Variants in MYO18A observed in about 807,000 individuals in gnomAD.
MYO18A encodes the protein myosin XVIIIA.
In MYO18A, 78 loss-of-function variants were observed where a neutral mutation model predicts 235.8. That is an observed-to-expected ratio of 0.33 (90% CI 0.28 to 0.40). The LOEUF (loss-of-function observed/expected upper bound fraction) is 0.40. Among genes scored for constraint, MYO18A ranks in the 10% least tolerant of loss-of-function variants. The pLI, the probability that MYO18A is intolerant of heterozygous loss-of-function variation, is 1.00. For missense variants in MYO18A, 2,215 were observed against 2,699.3 expected, an observed-to-expected ratio of 0.82 and a Z score of 3.98; for synonymous variants, 977 against 1,077.8, an observed-to-expected ratio of 0.91 and a Z score of 1.83.
In MYO18A at chr17:29,121,490, G is replaced by C. The variant is rs1449009708; in HGVS notation, c.1371+57C>G. On this transcript the variant is annotated intron_variant, in intron 5 of 41. Transcript: ENST00000527372. This position sits in a 1 kb window ranked among gnomAD's most constrained non-coding sequence, Gnocchi z 4.2. Reference sequence around the variant, plus strand: ...TGGGGTGCCACAGGGGAAGGGCAGAGAGCCAGGGCAGGGGGTGGGACCAGG... The same window carrying C: ...TGGGGTGCCACAGGGGAAGGGCAGACAGCCAGGGCAGGGGGTGGGACCAGG... 1.3e-6 allele frequency: 2 copies of C among 1,508,726 alleles called. No individual in the cohort carries two copies. The highest frequency in any genetic ancestry group is 1.8e-6 in the Non-Finnish European group (2 of 1,123,188). The allele number at this position is 1,508,726 out of a possible 1,614,324, so 93.5% of individuals were successfully genotyped here.
intron 21 of MYO18A, among the ~76,000 whole-genome samples, chr17:29,101,986 T>A (rs1408996190): frequency 6.6e-6 from 1 of 152,176 alleles, no homozygotes; most frequent in Non-Finnish European, 1.5e-5. Context: ...ATGGCTCAGA[T>A]GAAGACCCCC....
Position 29,121,313 on chromosome 17 carries a change from G to T in MYO18A, c.1372-102C>A. ...CACATCTTTCTGGATTTTCCCTCCT[G>T]TAGTGCCCAGGGATTCCAAGGCCAA... On this transcript the variant is annotated intron_variant, in intron 5 of 41. Transcript: ENST00000527372. The surrounding 1 kb of genome is among the most constrained non-coding windows in gnomAD (Gnocchi z 4.2). The T allele has an allele frequency of 1.5e-6, 2 of 1,336,902 alleles. No homozygotes were observed. Among genetic ancestry groups the T allele is most frequent in the African/African-American group, 1.5e-5 (1 of 68,854 alleles). The allele number at this position is 1,336,902 out of a possible 1,614,324, so 82.8% of individuals were successfully genotyped here. A position where few individuals can be genotyped will look rare whatever the true frequency, so the allele number is the denominator to read the frequency against.
Position 29,086,535 on chromosome 17 carries a change from G to C in MYO18A, c.5755C>G (p.Gln1919Glu). 6.2e-7 allele frequency: 1 copy of C among 1,613,036 alleles called. No homozygotes were observed. ...ESLEAANQSL[Q>E]ADLKLAFKRI... is the part of the protein sequence containing the mutation. ...TTGAATGCCAACTTTAGGTCAGCCT[G>C]CAGGCTCTGGTTAGCAGCCTCCAGG... Residue 1919 changes from glutamine to glutamate, a missense_variant, in exon 39 of 42, where the codon CAG becomes GAG. Coordinates refer to ENST00000527372, the MANE Select transcript of MYO18A (RefSeq NM_078471.4).
chr17:29,094,610 C>T lies in MYO18A; in HGVS notation c.4710+40G>A, dbSNP rs75337763. The T allele has an allele frequency of 1.9e-3, 3,010 of 1,606,926 alleles. 51 individuals are homozygous for T. The African/African-American group carries it at 0.035, about 19-fold the overall frequency. ...CTGGCTGTGGGGATGGTGGCGGCCT[C>T]GCTGCACCTCACCTCTCCCTTGGCC... On this transcript the variant is annotated intron_variant, in intron 30 of 41. Transcript: ENST00000527372.
At chr17:29,178,715 T>C (rs775192821) in intron 1 of MYO18A, among the ~76,000 whole-genome samples, 2 of 152,070 alleles carry the variant, frequency 1.3e-5, no homozygotes, top group Non-Finnish European at 2.9e-5. Flanking sequence ...TATCTCCAGA[T>C]AGAAAGTAGC....
rs367958203 is a variant in MYO18A, at chr17:29,145,877, A to G, written c.999+20065T>C. The stretch of plus-strand genomic sequence containing the variant: ...AGTAGACAGCTTACAGACAGCTTGG[A>G]GCTAGGCCAATGAAAGAGAGAAATG... On this transcript the variant is annotated intron_variant, in intron 2 of 41. Coordinates refer to ENST00000527372, the MANE Select transcript of MYO18A (RefSeq NM_078471.4). 9.2e-5 allele frequency among the ~76,000 whole-genome samples: 14 copies of G among 152,332 alleles called. No homozygotes were observed. The East Asian group carries it at 2.1e-3, about 23-fold the overall frequency.
At chr17:29,119,907 G>A (rs1342533622) in intron 7 of MYO18A, among the ~76,000 whole-genome samples, 4 of 149,984 alleles carry the variant, frequency 2.7e-5, no homozygotes, top group African/African-American at 7.4e-5. Flanking sequence ...ATAGGGTCTC[G>A]CTCTGTTGCC....
At position 29,117,364 on chromosome 17, in the gene MYO18A, C is replaced by T. The variant is rs1172131267; in HGVS notation, c.2038+681G>A. Among the ~76,000 whole-genome samples the T allele has an allele frequency of 7.9e-5, 12 of 152,130 alleles. No homozygotes were observed. The highest frequency in any genetic ancestry group is 4.1e-4 in the South Asian group (2 of 4,830). On this transcript the variant is annotated intron_variant, in intron 10 of 41. Transcript: ENST00000527372. The surrounding 1 kb of genome is among the most constrained non-coding windows in gnomAD (Gnocchi z 4.6). ...CATGCAAGAGGAAGATACGGAGCTA[C>T]CCAACCAGTGGAGAAGGGAAGAGGA... is the stretch of plus-strand genomic sequence containing the variant.
chr17:29,107,020 A>G (rs1405181897), intron 20 of MYO18A, 60 bp downstream of exon 20: 3 of 1,509,650 alleles, frequency 2.0e-6, no homozygotes, highest in Non-Finnish European at 9.2e-7. Flanking sequence ...ATGAGTCTGG[A>G]AAGGGCAGCT....
chr17:29,085,572 C>G, intron 40 of MYO18A, 32 bp downstream of exon 40: 1 of 1,611,886 alleles, frequency 6.2e-7, no homozygotes, highest in Non-Finnish European at 8.5e-7. Context: ...CCCGCGAGGA[C>G]AGGCAGAGAG....
At chr17:29,134,598 C>T (rs1312873543) in intron 2 of MYO18A, among the ~76,000 whole-genome samples, 1 of 152,172 alleles carries the variant, frequency 6.6e-6, no homozygotes, top group Non-Finnish European at 1.5e-5. Flanking sequence ...TCTCGGCTCA[C>T]TGCAACCTCC....
chr17:29,097,396 C>T, intron 26 of MYO18A, 46 bp from the exon 27 acceptor site: 1 of 1,598,206 alleles, frequency 6.3e-7, no homozygotes, highest in Non-Finnish European at 8.5e-7. Context: ...GCTGAGAGTC[C>T]CCAGAAGGGG....
chr17:29,073,144 GAA>G lies in MYO18A; in HGVS notation c.*1624_*1625del, dbSNP rs747448791. On this transcript the variant is annotated 3_prime_UTR_variant, in exon 42 of 42. Coordinates refer to ENST00000527372, the MANE Select transcript of MYO18A (RefSeq NM_078471.4). ...GAGGGACGGAAGGAGGAAGAGAAGA[GAA>G]GAGAAGAGAATCTCTGTAATTGGTG... 1 of 152,078 alleles carries G rather than the reference GAA, an allele frequency of 6.6e-6. No homozygotes were observed. Among genetic ancestry groups the G allele is most frequent in the Non-Finnish European group, 1.5e-5 (1 of 68,028 alleles). The allele number at this position is 152,078 out of a possible 1,614,324, so 9.4% of individuals were successfully genotyped here.
chr17:29,161,507 CAAAAAAAAAA>C, intron 2 of MYO18A, among the ~76,000 whole-genome samples: 1 of 118,360 alleles, frequency 8.4e-6, no homozygotes, highest in Non-Finnish European at 1.8e-5. Context: ...GACCCTGTCT[CAAAAAAAAAA>C]AAAAAAGAAA....
chr17:29,123,241 C>T (rs181265743), intron 2 of MYO18A, among the ~76,000 whole-genome samples: 2 of 152,310 alleles, frequency 1.3e-5, no homozygotes, highest in South Asian at 2.1e-4. Flanking sequence ...CAGGGCCCAT[C>T]GGGCTCCTCT....
intron 2 of MYO18A, among the ~76,000 whole-genome samples, chr17:29,147,956 G>T (rs7216760): frequency 0.28 from 42,045 of 150,294 alleles, 6,161 homozygotes; most frequent in East Asian, 0.55. Context: ...AGAAGGGTCT[G>T]CCTAGGATTC....
chr17:29,101,839 G>C (rs965898988), intron 21 of MYO18A, among the ~76,000 whole-genome samples: 1 of 152,122 alleles, frequency 6.6e-6, no homozygotes, highest in Non-Finnish European at 1.5e-5. Flanking sequence ...TTGAACATTT[G>C]GGGGGTTAAG....
chr17:29,128,061 C>T lies in MYO18A; in HGVS notation c.1000-5808G>A, dbSNP rs1006940482. 1.1e-5 allele frequency: 11 copies of T among 1,015,264 alleles called. No homozygotes were observed. The South Asian group carries it at 3.2e-4, about 29-fold the overall frequency. 62.9% of individuals were successfully genotyped at this position (1,015,264 alleles called of 1,614,324 possible). A position where few individuals can be genotyped will look rare whatever the true frequency, so the allele number is the denominator to read the frequency against. Reference sequence around the variant, plus strand: ...GGCTCCTGGCTGGAGGGCTTCTCCCCCTTCCCAGAAGACTGCTTGCCGCGG... The same window carrying T: ...GGCTCCTGGCTGGAGGGCTTCTCCCTCTTCCCAGAAGACTGCTTGCCGCGG... On this transcript the variant is annotated intron_variant, in intron 2 of 41. Coordinates refer to ENST00000527372, the MANE Select transcript of MYO18A (RefSeq NM_078471.4).
At chr17:29,116,723 CCT>C (rs1567606546) in intron 10 of MYO18A, among the ~76,000 whole-genome samples, 14 of 16,516 alleles carry the variant, frequency 8.5e-4, no homozygotes, top group African/African-American at 1.4e-3. Context: ...GCAAACACAC[CCT>C]CCCCCCCCCC....
Sources: gnomAD v4.1 joint callset for allele counts (sites outside exome capture counted in the v4.1 genomes callset) on GRCh38, gnomAD v4.1.1 for gene constraint, Gnocchi (gnomAD v3.1) non-coding constraint, MANE v1.5 for transcripts, NCBI Gene and HGNC (gene_info 2026-07-23, HGNC 2026-07-21) for gene names.